The following RAB3C variants were observed in gnomAD, a reference collection of about 807,000 sequenced individuals.
RAB3C encodes ras-related protein Rab-3C.
RAB3C carries 17 observed loss-of-function variants against 26.4 expected under a neutral mutation model. That is an observed-to-expected ratio of 0.64 (90% CI 0.44 to 0.97). The LOEUF (loss-of-function observed/expected upper bound fraction) is 0.97, where lower values mean the gene tolerates loss of function less well. RAB3C is among the 50% of genes least tolerant of loss of function. The probability of loss-of-function intolerance (pLI) is 0.00; values close to 1 mark genes in which losing one functional copy is unlikely to be tolerated. For missense variants in RAB3C, 242 were observed against 281.9 expected, an observed-to-expected ratio of 0.86 and a Z score of 1.01; for synonymous variants, 91 against 95.9, an observed-to-expected ratio of 0.95 and a Z score of 0.30.
intron 3 of RAB3C, among the ~76,000 whole-genome samples, chr5:58,767,342 T>G (rs1741928394): frequency 6.6e-6 from 1 of 152,192 alleles, no homozygotes; most frequent in Admixed American, 6.5e-5. Context: ...TCTTCCATTA[T>G]GCATTTCTGG....
intron 1 of RAB3C, among the ~76,000 whole-genome samples, chr5:58,587,567 T>A (rs1746038530): frequency 2.6e-5 from 4 of 152,108 alleles, no homozygotes; most frequent in Admixed American, 6.6e-5. Context: ...AGTTTATAGG[T>A]TTTTAGATAA....
At chr5:58,749,263 G>A (rs1287125130) in intron 3 of RAB3C, among the ~76,000 whole-genome samples, 1 of 152,060 alleles carries the variant, frequency 6.6e-6, no homozygotes. Context: ...ATAGTGTTTA[G>A]AAAAGTCCTA....
chr5:58,610,913 C>T (rs1484454828), intron 1 of RAB3C, among the ~76,000 whole-genome samples: 1 of 152,056 alleles, frequency 6.6e-6, no homozygotes, highest in African/African-American at 2.4e-5. Flanking sequence ...CCCCACCCTT[C>T]ACTGTTCTAT....
intron 2 of RAB3C, among the ~76,000 whole-genome samples, chr5:58,639,838 T>TCG: frequency 6.6e-6 from 1 of 152,304 alleles, no homozygotes; most frequent in South Asian, 2.1e-4. Flanking sequence ...CTAAAACTTA[T>TCG]CTGTTAACTG....
intron 3 of RAB3C, among the ~76,000 whole-genome samples, chr5:58,797,210 A>G (rs1287025893): frequency 1.3e-5 from 2 of 151,614 alleles, no homozygotes; most frequent in African/African-American, 4.9e-5. Flanking sequence ...TCTTGGACTC[A>G]AATCCAGTTT....
At chr5:58,694,668 A>G (rs977278965) in intron 2 of RAB3C, among the ~76,000 whole-genome samples, 3 of 151,996 alleles carry the variant, frequency 2.0e-5, no homozygotes, top group South Asian at 2.1e-4. Context: ...TTTGATTTGC[A>G]TTTTTCTGAT....
chr5:58,758,540 G>C (rs762054620), intron 3 of RAB3C, among the ~76,000 whole-genome samples: 21 of 152,218 alleles, frequency 1.4e-4, no homozygotes, highest in Non-Finnish European at 1.0e-4. Context: ...TTCTTCAATA[G>C]ATCTGTCAAA....
intron 1 of RAB3C, among the ~76,000 whole-genome samples, chr5:58,584,678 A>C (rs891550065): frequency 6.6e-6 from 1 of 152,230 alleles, no homozygotes; most frequent in Non-Finnish European, 1.5e-5. Context: ...GTATATGTAT[A>C]TTAAAACATG....
chr5:58,777,308 A>G (rs1342391378), intron 3 of RAB3C, among the ~76,000 whole-genome samples: 1 of 152,074 alleles, frequency 6.6e-6, no homozygotes, highest in Non-Finnish European at 1.5e-5. Context: ...GCTATGCACC[A>G]AACTTCCTTC....
At chr5:58,773,430 G>A (rs1035222419) in intron 3 of RAB3C, among the ~76,000 whole-genome samples, 5 of 152,246 alleles carry the variant, frequency 3.3e-5, no homozygotes, top group East Asian at 1.9e-4. Flanking sequence ...GTTTCAGAAG[G>A]AAAATAAGTA....
rs150628123 is a variant in RAB3C at position 58,734,637 on chromosome 5, A to G, written c.371+8517A>G. Among the ~76,000 whole-genome samples the G allele has an allele frequency of 1.9e-3, 285 of 152,332 alleles. 1 individual carries two copies. Among genetic ancestry groups the G allele is most frequent in the Middle Eastern group, 0.01 (3 of 294 alleles). ...TCAGCCCCTTCAAAAACAAAAACTC[A>G]AAACACCCTGTTTCCTCCGTTGTCT... is the stretch of plus-strand genomic sequence containing the variant. On this transcript the variant is annotated intron_variant, in intron 3 of 4. Transcript: ENST00000282878.
chr5:58,769,102 G>A (rs956239967), intron 3 of RAB3C, among the ~76,000 whole-genome samples: 1 of 151,958 alleles, frequency 6.6e-6, no homozygotes, highest in Admixed American at 6.6e-5. Flanking sequence ...AAGAACCGAG[G>A]ATGGCCGTTA....
At chr5:58,782,390 C>T (rs558285761) in intron 3 of RAB3C, among the ~76,000 whole-genome samples, 23 of 152,254 alleles carry the variant, frequency 1.5e-4, no homozygotes, top group African/African-American at 5.3e-4. Context: ...AATCTTTTCT[C>T]TTAGGTTGTC....
At chr5:58,661,364 T>C (rs1342752981) in intron 2 of RAB3C, among the ~76,000 whole-genome samples, 1 of 150,174 alleles carries the variant, frequency 6.7e-6, no homozygotes, top group African/African-American at 2.5e-5. Context: ...TTTCCATGTT[T>C]ATAATATGCC....
chr5:58,591,940 G>A (rs562584317), intron 1 of RAB3C, among the ~76,000 whole-genome samples: 3 of 136,952 alleles, frequency 2.2e-5, no homozygotes, highest in African/African-American at 5.5e-5. Context: ...CACTTGTTGC[G>A]CAGGCTGGAG....
At chr5:58,759,497 T>G (rs1029300096) in intron 3 of RAB3C, among the ~76,000 whole-genome samples, 1 of 152,222 alleles carries the variant, frequency 6.6e-6, no homozygotes, top group African/African-American at 2.4e-5. Flanking sequence ...AGTAGGTACA[T>G]GCCAAAGAGA....
At chr5:58,621,867 C>T (rs1168440429) in intron 2 of RAB3C, among the ~76,000 whole-genome samples, 4 of 152,298 alleles carry the variant, frequency 2.6e-5, no homozygotes, top group African/African-American at 4.8e-5. Flanking sequence ...TGAGCCACCA[C>T]GCCTGGCCTC....
chr5:58,843,169 T>G (rs1743913415), intron 4 of RAB3C, among the ~76,000 whole-genome samples: 1 of 152,234 alleles, frequency 6.6e-6, no homozygotes, highest in African/African-American at 2.4e-5. Context: ...GCATATAGTA[T>G]GTACTTAATA....
At chr5:58,773,110 G>A (rs141435536) in intron 3 of RAB3C, among the ~76,000 whole-genome samples, 221 of 152,306 alleles carry the variant, frequency 1.5e-3, no homozygotes, top group African/African-American at 5.2e-3. Flanking sequence ...AAGAGGGCTA[G>A]GCCAACAGTG....
Sources: allele counts gnomAD v4.1 joint callset (sites outside exome capture counted in the v4.1 genomes callset), GRCh38; gene constraint gnomAD v4.1.1; transcripts MANE v1.5; gene names NCBI Gene and HGNC (gene_info 2026-07-23, HGNC 2026-07-21).